Variants in ARID4A observed in about 807,000 individuals in gnomAD.
The protein encoded by ARID4A is AT-rich interaction domain 4A.
A neutral mutation model predicts 148.6 loss-of-function variants in ARID4A; 39 were observed. The observed-to-expected ratio is 0.26, with a 90% CI of 0.20 to 0.34. The LOEUF (loss-of-function observed/expected upper bound fraction) is 0.34, where lower values mean the gene tolerates loss of function less well. Among genes scored for constraint, ARID4A ranks in the 10% least tolerant of loss-of-function variants. ARID4A has a pLI of 1.00. For missense variants in ARID4A, 1,265 were observed against 1,449.1 expected (o/e 0.87, Z 2.06); for synonymous variants, 475 against 481.2 (o/e 0.99, Z 0.17).
At chr14:58,307,734 C>T (rs2031717474) in intron 5 of ARID4A, among the ~76,000 whole-genome samples, 1 of 152,144 alleles carries the variant, frequency 6.6e-6, no homozygotes, top group African/African-American at 2.4e-5. Context: ...GCAGGAGAAT[C>T]GCTTGAATCT....
intron 17 of ARID4A, among the ~76,000 whole-genome samples, chr14:58,354,703 AG>A (rs2034795149): frequency 6.6e-6 from 1 of 151,334 alleles, no homozygotes; most frequent in Non-Finnish European, 1.5e-5. Context: ...AAAAAAAAAA[AG>A]AAAAAAGAGA....
intron 19 of ARID4A, 124 bp downstream of exon 19, chr14:58,361,166 T>C: frequency 7.2e-7 from 1 of 1,386,926 alleles, no homozygotes; most frequent in Non-Finnish European, 9.5e-7. Flanking sequence ...AAAACTTCCA[T>C]TGTGTGAAAT....
chr14:58,355,072 G>T (rs1187250491), intron 17 of ARID4A, among the ~76,000 whole-genome samples: 3 of 152,156 alleles, frequency 2.0e-5, no homozygotes, highest in Non-Finnish European at 2.9e-5. Flanking sequence ...CAACACCAAG[G>T]CCCAGCTGAT....
At chr14:58,365,762 C>A in intron 21 of ARID4A, 140 bp downstream of exon 21, 1 of 793,282 alleles carries the variant, frequency 1.3e-6, no homozygotes, top group Non-Finnish European at 1.9e-6. Context: ...AGATATTTTG[C>A]CATTTTTATT....
chr14:58,333,170 A>G (rs562143809), intron 11 of ARID4A, among the ~76,000 whole-genome samples: 1 of 152,218 alleles, frequency 6.6e-6, no homozygotes, highest in East Asian at 1.9e-4. Context: ...GGTTTTATCT[A>G]TATTGATTAC....
intron 11 of ARID4A, among the ~76,000 whole-genome samples, chr14:58,343,295 G>T (rs1055379668): frequency 6.6e-6 from 1 of 152,122 alleles, no homozygotes; most frequent in Non-Finnish European, 1.5e-5. Flanking sequence ...AAGTATTTTA[G>T]TGTTATAAAT....
intron 5 of ARID4A, among the ~76,000 whole-genome samples, chr14:58,317,178 G>A (rs1367092635): frequency 7.0e-6 from 1 of 142,346 alleles, no homozygotes; most frequent in African/African-American, 2.6e-5. Context: ...GGGGGACAGA[G>A]TGAGACTCAG....
At chr14:58,322,865 G>A (rs2032980235) in intron 7 of ARID4A, among the ~76,000 whole-genome samples, 1 of 149,948 alleles carries the variant, frequency 6.7e-6, no homozygotes, top group South Asian at 2.1e-4. Context: ...AGGAGGCTGA[G>A]GCAGGAGAAT....
Position 58,364,866 on chromosome 14 carries a change from C to T in ARID4A, c.2777C>T (p.Thr926Ile), listed in dbSNP as rs1424797814. ...TCAAACCAATGCATCCAACAACTGA[C>T]TAGTGAAAGATTTGATAGTCCAGCT... ...AESNQCIQQL[T>I]SERFDSPAEE... The change falls in exon 20 of 24, where the codon ACT (threonine) becomes ATT (isoleucine). Residue 926 changes from threonine (T) to isoleucine (I), a missense_variant. Thr to Ile is a moderately conservative substitution (Grantham distance 89). Transcript: ENST00000355431. The T allele has an allele frequency of 1.2e-6, 2 of 1,613,964 alleles. No individual in the cohort carries two copies. The highest frequency in any genetic ancestry group is 2.7e-5 in the African/African-American group (2 of 74,914).
intron 8 of ARID4A, among the ~76,000 whole-genome samples, chr14:58,327,982 CATTA>C (rs2033309514): frequency 1.3e-5 from 2 of 152,090 alleles, no homozygotes; most frequent in Admixed American, 1.3e-4. Context: ...CCTGTTATTT[CATTA>C]ATTATTCACT....
chr14:58,330,090 G>C lies in ARID4A; in HGVS notation c.827G>C (p.Ser276Thr), dbSNP rs769936743. ...ATAAGTGAAATCCTTGAGTCATCCA[G>C]TAGTGATGATGAAGATGGCCCAGCT... ...MDISEILESS[S>T]SDDEDGPAEE... The change falls in exon 11 of 24, where the codon AGT becomes ACT. Residue 276 changes from serine to threonine, a missense_variant. By Grantham distance (58) the Ser-to-Thr change is moderately conservative (BLOSUM62 1). Transcript: ENST00000355431. The C allele has an allele frequency of 6.2e-7, 1 of 1,613,620 alleles. No homozygotes were observed. The highest frequency in any genetic ancestry group is 2.2e-5 in the East Asian group (1 of 44,804).
chr14:58,370,134 C>T (rs1325131388), intron 23 of ARID4A: 1 of 152,188 alleles, frequency 6.6e-6, no homozygotes, highest in Non-Finnish European at 1.5e-5. Context: ...TTCTCATGTT[C>T]ATCCTTTTCT....
At chr14:58,363,010 A>G (rs1365901190) in intron 19 of ARID4A, among the ~76,000 whole-genome samples, 1 of 152,240 alleles carries the variant, frequency 6.6e-6, no homozygotes, top group East Asian at 1.9e-4. Flanking sequence ...CCATCTGCTG[A>G]CAAATGTTTA....
intron 11 of ARID4A, among the ~76,000 whole-genome samples, chr14:58,339,174 G>A (rs889321018): frequency 6.6e-6 from 1 of 151,166 alleles, no homozygotes; most frequent in Non-Finnish European, 1.5e-5. Context: ...ACAAAGTTTC[G>A]CTATGTTGCC....
intron 5 of ARID4A, among the ~76,000 whole-genome samples, chr14:58,311,913 G>A (rs1316161654): frequency 6.6e-6 from 1 of 151,274 alleles, no homozygotes; most frequent in Non-Finnish European, 1.5e-5. Flanking sequence ...TATCAGGGGT[G>A]GGGGCAGCTT....
intron 21 of ARID4A, 35 bp downstream of exon 21, chr14:58,365,657 T>C: frequency 1.3e-6 from 2 of 1,554,480 alleles, no homozygotes; most frequent in Non-Finnish European, 1.8e-6. Context: ...TTGTATAGTG[T>C]TAGTATTTTT....
chr14:58,353,230 C>T (rs1594946955), intron 16 of ARID4A, among the ~76,000 whole-genome samples: 1 of 152,062 alleles, frequency 6.6e-6, no homozygotes, highest in East Asian at 1.9e-4. Flanking sequence ...CAAGGTGGCA[C>T]TTAAATATGA....
intron 5 of ARID4A, among the ~76,000 whole-genome samples, chr14:58,309,150 C>G (rs2031827063): frequency 6.6e-6 from 1 of 152,148 alleles, no homozygotes; most frequent in Non-Finnish European, 1.5e-5. Flanking sequence ...GGATCTTGCT[C>G]TGTTGCCCAG....
chr14:58,308,433 AG>A (rs1468656294), intron 5 of ARID4A, among the ~76,000 whole-genome samples: 1 of 152,250 alleles, frequency 6.6e-6, no homozygotes, highest in Non-Finnish European at 1.5e-5. Flanking sequence ...TTATAAAAAC[AG>A]GGAAAAACAG....
Sources: gnomAD v4.1 joint callset for allele counts (sites outside exome capture counted in the v4.1 genomes callset) on GRCh38, gnomAD v4.1.1 for gene constraint, MANE v1.5 for transcripts, NCBI Gene and HGNC (gene_info 2026-07-23, HGNC 2026-07-21) for gene names.